The following ABCA1 variants were observed in gnomAD, a reference collection of about 807,000 sequenced individuals.
The protein encoded by ABCA1 is phospholipid-transporting ATPase ABCA1.
A neutral mutation model predicts 262.5 loss-of-function variants in ABCA1; 133 were observed. The ratio of observed to expected loss-of-function variants is 0.51; its 90% CI spans 0.44 to 0.59. The LOEUF (loss-of-function observed/expected upper bound fraction) is 0.59. Among genes scored for constraint, ABCA1 ranks in the 20% least tolerant of loss-of-function variants. The pLI is 0.00. For missense variants in ABCA1, 2,452 were observed against 2,777.5 expected, an observed-to-expected ratio of 0.88 and a Z score of 2.63; for synonymous variants, 1,022 against 1,043.5, an observed-to-expected ratio of 0.98 and a Z score of 0.40.
intron 31 of ABCA1, among the ~76,000 whole-genome samples, chr9:104,804,969 T>C (rs1271131818): frequency 2.0e-5 from 3 of 152,200 alleles, no homozygotes; most frequent in African/African-American, 7.2e-5. Flanking sequence ...AACATTGAAA[T>C]GAGATTCTTT....
chr9:104,840,463 A>G lies in ABCA1; in HGVS notation c.870T>C (p.Asn290=), dbSNP rs370609349. Residue 290 remains asparagine (N), a synonymous_variant, in exon 9 of 50, where the codon AAT becomes AAC. Coordinates refer to ENST00000374736, the MANE Select transcript of ABCA1 (RefSeq NM_005502.4). ...DMRQEVMFLT[N]VNSSSSSTQI... ...GGGTGGAGGAGCTGGAGCTGTTCAC[A>G]TTGGTCAGAAACATCACCTCCTGTC... is the stretch of plus-strand genomic sequence containing the variant. 3 of 1,614,104 alleles carry G rather than the reference A, an allele frequency of 1.9e-6. No individual in the cohort carries two copies.
At chr9:104,825,965 C>G in intron 16 of ABCA1, 78 bp from the exon 17 acceptor site, 1 of 1,509,926 alleles carries the variant, frequency 6.6e-7, no homozygotes, top group African/African-American at 1.4e-5. Flanking sequence ...TAAATTATAC[C>G]TGGAGAAATT....
At chr9:104,904,618 C>T (rs1055988981) in intron 1 of ABCA1, among the ~76,000 whole-genome samples, 1 of 150,792 alleles carries the variant, frequency 6.6e-6, no homozygotes, top group East Asian at 1.9e-4. Context: ...TCTGGAAAAC[C>T]ACAACGTGCC....
intron 32 of ABCA1, 100 bp from the exon 33 acceptor site, chr9:104,803,416 G>A (rs1024882149): frequency 4.0e-5 from 49 of 1,223,390 alleles, no homozygotes; most frequent in East Asian, 1.6e-4. Context: ...TATAAGGAAC[G>A]GACAGAAATA....
chr9:104,899,681 G>A (rs1840507761), intron 2 of ABCA1, among the ~76,000 whole-genome samples: 4 of 151,686 alleles, frequency 2.6e-5, no homozygotes, highest in Admixed American at 2.6e-4. Flanking sequence ...GCAATAGAGT[G>A]AGACTCAGTT....
chr9:104,874,884 G>A (rs1229625025), intron 5 of ABCA1, among the ~76,000 whole-genome samples: 2 of 140,800 alleles, frequency 1.4e-5, no homozygotes, highest in Admixed American at 6.8e-5. Context: ...GGCAGCCCCC[G>A]CCCGGCCAGC....
intron 13 of ABCA1, 34 bp from the exon 14 acceptor site, chr9:104,831,135 T>A (rs1833269566): frequency 6.4e-7 from 1 of 1,561,542 alleles, no homozygotes. Flanking sequence ...AACCATTCCT[T>A]TAGAACCATA....
chr9:104,909,113 G>A (rs1169678587), intron 1 of ABCA1, among the ~76,000 whole-genome samples: 9 of 152,192 alleles, frequency 5.9e-5, no homozygotes, highest in African/African-American at 2.2e-4. Context: ...TTGTGTGATC[G>A]CCTTGGAAGA....
rs768723417 is a variant in ABCA1 at position 104,782,439 on chromosome 9, T to C, written c.*1876A>G. ...AAATTCTGGAAAAAGTGGAAGAAGT[T>C]AGTAATGATATTGAAAGATCACTTG... On this transcript the variant is annotated 3_prime_UTR_variant, in exon 50 of 50. Coordinates refer to ENST00000374736, the MANE Select transcript of ABCA1 (RefSeq NM_005502.4). 6.6e-6 allele frequency: 1 copy of C among 152,170 alleles called. No homozygotes were observed. The highest frequency in any genetic ancestry group is 1.5e-5 in the Non-Finnish European group (1 of 67,998). The allele number at this position is 152,170 out of a possible 1,614,324, so 9.4% of individuals were successfully genotyped here.
At chr9:104,803,583 G>A (rs1039159585) in intron 32 of ABCA1, among the ~76,000 whole-genome samples, 9 of 151,918 alleles carry the variant, frequency 5.9e-5, no homozygotes, top group Non-Finnish European at 1.3e-4. Context: ...AGACCAAGAT[G>A]TAACCAAACT....
chr9:104,784,285 CT>C lies in ABCA1; in HGVS notation c.*29del. 1 of 1,613,886 alleles carries C rather than the reference CT, an allele frequency of 6.2e-7. No homozygotes were observed. The highest frequency in any genetic ancestry group is 1.7e-4 in the Middle Eastern group (1 of 6,056). On this transcript the variant is annotated 3_prime_UTR_variant, in exon 50 of 50. Coordinates refer to ENST00000374736, the MANE Select transcript of ABCA1 (RefSeq NM_005502.4). ...CAAAGGAAAGTCTAGTTCCTCTTTACTTTCAGCCACCCCGTATGAACAGGAT... is the reference window on the plus strand; with the variant it reads ...CAAAGGAAAGTCTAGTTCCTCTTTACTTCAGCCACCCCGTATGAACAGGAT...
chr9:104,861,195 T>G (rs1197045018), intron 6 of ABCA1, among the ~76,000 whole-genome samples: 2 of 152,204 alleles, frequency 1.3e-5, no homozygotes, highest in Admixed American at 1.3e-4. Flanking sequence ...TCCTATTTAA[T>G]GCAAAGCAAG....
chr9:104,880,387 C>T lies in ABCA1; in HGVS notation c.421+2652G>A, dbSNP rs560473724. On this transcript the variant is annotated intron_variant, in intron 5 of 49. Transcript: ENST00000374736. ...CAGTGGCTCATGCCTGTCATCCCAG[C>T]CCTTCGGGAGGCTAAGGCAGGAGGA... is the stretch of plus-strand genomic sequence containing the variant. 2.0e-5 allele frequency among the ~76,000 whole-genome samples: 3 copies of T among 152,096 alleles called. No individual in the cohort carries two copies. In the South Asian group the frequency reaches 6.2e-4, roughly 32 times the overall value.
chr9:104,889,250 A>G (rs1180307863), intron 2 of ABCA1, 55 bp from the exon 3 acceptor site: 18 of 1,580,172 alleles, frequency 1.1e-5, no homozygotes, highest in East Asian at 2.3e-5. Context: ...TGGATATCCA[A>G]TGCCACTGGG....
At chr9:104,861,942 A>G (rs377209596) in intron 5 of ABCA1, 142 bp from the exon 6 acceptor site, 1 of 763,620 alleles carries the variant, frequency 1.3e-6, no homozygotes, top group South Asian at 1.7e-5. Flanking sequence ...GGAATGAGAT[A>G]GGGGAGCATC....
In ABCA1 at chr9:104,889,205, A is replaced by G. The variant is rs1259714196; in HGVS notation, c.67-10T>C. ...CCAGCAGCAGCTGACACTGAGTGGG[A>G]AATAAGATAGAACACTGTAAATTTA... On this transcript the variant is annotated splice_polypyrimidine_tract_variant and intron_variant, in intron 2 of 49. Transcript: ENST00000374736. The G allele has an allele frequency of 6.2e-7, 1 of 1,613,504 alleles. No individual in the cohort carries two copies. The highest frequency in any genetic ancestry group is 8.5e-7 in the Non-Finnish European group (1 of 1,179,448).
At chr9:104,904,893 G>T (rs1160600588) in intron 1 of ABCA1, among the ~76,000 whole-genome samples, 1 of 152,208 alleles carries the variant, frequency 6.6e-6, no homozygotes, top group Non-Finnish European at 1.5e-5. Context: ...CTCCTTGGAG[G>T]ACTGTTTGCC....
chr9:104,926,699 G>A (rs1172682111), intron 1 of ABCA1, among the ~76,000 whole-genome samples: 1 of 152,156 alleles, frequency 6.6e-6, no homozygotes, highest in Admixed American at 6.5e-5. Flanking sequence ...GCCCAGCCCC[G>A]CGGCGGAGCT....
At chr9:104,842,675 G>C (rs948777194) in intron 8 of ABCA1, among the ~76,000 whole-genome samples, 6 of 152,128 alleles carry the variant, frequency 3.9e-5, no homozygotes, top group African/African-American at 1.4e-4. Context: ...AACATCATCG[G>C]TTGAGTGAAT....
Sources: allele counts gnomAD v4.1 joint callset (sites outside exome capture counted in the v4.1 genomes callset), GRCh38; gene constraint gnomAD v4.1.1; transcripts MANE v1.5; gene names NCBI Gene and HGNC (gene_info 2026-07-23, HGNC 2026-07-21).